The following TMOD3 variants were observed in gnomAD, a reference collection of about 807,000 sequenced individuals.
TMOD3 encodes the protein tropomodulin-3.
In TMOD3, 20 loss-of-function variants were observed where a neutral mutation model predicts 39.2. That is an observed-to-expected ratio of 0.51 (90% CI 0.36 to 0.74). The LOEUF (loss-of-function observed/expected upper bound fraction) is 0.74, where lower values mean the gene tolerates loss of function less well. Among genes scored for constraint, TMOD3 ranks in the 30% least tolerant of loss-of-function variants. The pLI, the probability that TMOD3 is intolerant of heterozygous loss-of-function variation, is 0.00. For synonymous variants in TMOD3, 143 were observed against 145.8 expected (o/e 0.98, Z 0.14); for missense variants, 381 against 412.8 (o/e 0.92, Z 0.67).
At position 51,905,039 on chromosome 15, in the gene TMOD3, G is replaced by A. The variant is rs188878733; in HGVS notation, c.1024+3003G>A. On this transcript the variant is annotated intron_variant, in intron 9 of 9. Transcript: ENST00000308580. ...ATGAAATGACAATAAGCACATTCCTGGATAGGGCAATTACAGATAAAAGCT... is the reference window on the plus strand; with the variant it reads ...ATGAAATGACAATAAGCACATTCCTAGATAGGGCAATTACAGATAAAAGCT... Among the ~76,000 whole-genome samples, 357 of 152,308 alleles carry A rather than the reference G, an allele frequency of 2.3e-3. 2 individuals are homozygous for A. Among genetic ancestry groups the A allele is most frequent in the African/African-American group, 7.9e-3 (327 of 41,578 alleles).
chr15:51,881,064 A>T (rs146279563), intron 3 of TMOD3, among the ~76,000 whole-genome samples: 1 of 152,294 alleles, frequency 6.6e-6, no homozygotes, highest in Non-Finnish European at 1.5e-5. Flanking sequence ...ATAACTAATG[A>T]TACTGAGTAT....
intron 3 of TMOD3, among the ~76,000 whole-genome samples, chr15:51,877,534 G>T (rs1382889080): frequency 6.6e-6 from 1 of 152,132 alleles, no homozygotes; most frequent in East Asian, 1.9e-4. Context: ...AAAAAAATTA[G>T]CTGGGTGTGG....
At chr15:51,890,011 A>G (rs2056584147) in intron 5 of TMOD3, among the ~76,000 whole-genome samples, 1 of 151,876 alleles carries the variant, frequency 6.6e-6, no homozygotes. Flanking sequence ...CCCAAACACC[A>G]CCTACCCTGT....
At chr15:51,870,605 G>A (rs2056470270) in intron 3 of TMOD3, among the ~76,000 whole-genome samples, 1 of 152,212 alleles carries the variant, frequency 6.6e-6, no homozygotes. Flanking sequence ...AGCTTCTATA[G>A]TAGAGGAAGG....
At chr15:51,881,335 A>G (rs2056532456) in intron 3 of TMOD3, among the ~76,000 whole-genome samples, 1 of 152,150 alleles carries the variant, frequency 6.6e-6, no homozygotes, top group African/African-American at 2.4e-5. Context: ...TATATTCTGG[A>G]TAAAAATTTC....
intron 3 of TMOD3, among the ~76,000 whole-genome samples, chr15:51,870,007 C>A (rs1011269825): frequency 6.6e-6 from 1 of 152,128 alleles, no homozygotes; most frequent in Non-Finnish European, 1.5e-5. Flanking sequence ...GGTGCACCCT[C>A]GCCTCACTGC....
chr15:51,848,191 G>A (rs1057332655), intron 1 of TMOD3, among the ~76,000 whole-genome samples: 1 of 152,186 alleles, frequency 6.6e-6, no homozygotes, highest in African/African-American at 2.4e-5. Flanking sequence ...TTTTGTTATA[G>A]CAGCCTAAAT....
At chr15:51,832,477 T>C (rs1458832736) in intron 1 of TMOD3, among the ~76,000 whole-genome samples, 4 of 151,934 alleles carry the variant, frequency 2.6e-5, no homozygotes, top group Non-Finnish European at 4.4e-5. Flanking sequence ...CATATCTACA[T>C]AGAGTATAGT....
intron 3 of TMOD3, among the ~76,000 whole-genome samples, chr15:51,886,108 T>A (rs1308697802): frequency 7.1e-6 from 1 of 139,916 alleles, no homozygotes; most frequent in East Asian, 2.1e-4. Context: ...CCAGACGGGG[T>A]GGCGGTCGGG....
At chr15:51,879,909 C>A in intron 3 of TMOD3, among the ~76,000 whole-genome samples, 1 of 127,562 alleles carries the variant, frequency 7.8e-6, no homozygotes. Context: ...ATTCTAGGAG[C>A]AACAAGAATA....
In TMOD3 at chr15:51,845,638, T is replaced by TC. The variant is rs148755776; in HGVS notation, c.-75+15805dup. ...GGGCATGGTTGGCACACACTTGTTGTCCCAGCTACTCAGTAAGCTGAGGTG... is the reference window on the plus strand; with the variant it reads ...GGGCATGGTTGGCACACACTTGTTGTCCCCAGCTACTCAGTAAGCTGAGGTG... On this transcript the variant is annotated intron_variant, in intron 1 of 9. Transcript: ENST00000308580. Among the ~76,000 whole-genome samples the TC allele has an allele frequency of 4.6e-4, 70 of 152,184 alleles. 1 individual carries two copies. The highest frequency in any genetic ancestry group is 1.6e-3 in the African/African-American group (67 of 41,524).
Position 51,909,625 on chromosome 15 carries a change from C to T in TMOD3, c.*815C>T, listed in dbSNP as rs186836634. Reference sequence around the variant, plus strand: ...CCCCCCAAAAAAGGCGTACAGCCAACTCTTAGTTATTTAGGGTAAGAGAAA... The same window carrying T: ...CCCCCCAAAAAAGGCGTACAGCCAATTCTTAGTTATTTAGGGTAAGAGAAA... On this transcript the variant is annotated 3_prime_UTR_variant, in exon 10 of 10. Coordinates refer to ENST00000308580, the MANE Select transcript of TMOD3 (RefSeq NM_014547.5). 11 of 152,468 alleles carry T rather than the reference C, an allele frequency of 7.2e-5. No individual in the cohort carries two copies. Among genetic ancestry groups the T allele is most frequent in the African/African-American group, 2.7e-4 (11 of 41,504 alleles). 9.4% of individuals were successfully genotyped at this position (152,468 alleles called of 1,614,324 possible).
intron 3 of TMOD3, among the ~76,000 whole-genome samples, chr15:51,885,323 G>T (rs2056555124): frequency 1.4e-5 from 2 of 140,138 alleles, no homozygotes; most frequent in Admixed American, 7.2e-5. Context: ...GATCATTCTT[G>T]GGTGTCTCTC....
chr15:51,894,232 GCCTCT>G (rs2056609875), intron 6 of TMOD3, among the ~76,000 whole-genome samples: 1 of 151,940 alleles, frequency 6.6e-6, no homozygotes, highest in Non-Finnish European at 1.5e-5. Flanking sequence ...AGAACATTTA[GCCTCT>G]TGGGTCTTGC....
intron 9 of TMOD3, 39 bp from the exon 10 acceptor site, chr15:51,908,737 T>C (rs1189112631): frequency 6.5e-7 from 1 of 1,550,038 alleles, no homozygotes; most frequent in South Asian, 1.2e-5. Context: ...TAAAAACTAA[T>C]AGGGATTTCT....
intron 1 of TMOD3, among the ~76,000 whole-genome samples, chr15:51,845,294 T>C (rs1422864356): frequency 1.3e-5 from 2 of 152,214 alleles, no homozygotes; most frequent in Non-Finnish European, 2.9e-5. Flanking sequence ...GCCGTGTTTG[T>C]CATGGACGTG....
At chr15:51,839,199 TCTCA>T (rs1360311821) in intron 1 of TMOD3, among the ~76,000 whole-genome samples, 1 of 148,988 alleles carries the variant, frequency 6.7e-6, no homozygotes, top group Non-Finnish European at 1.5e-5. Flanking sequence ...TGAGACTGGG[TCTCA>T]CTCTGTTGCC....
At chr15:51,838,739 C>T (rs1338249747) in intron 1 of TMOD3, among the ~76,000 whole-genome samples, 1 of 152,154 alleles carries the variant, frequency 6.6e-6, no homozygotes, top group African/African-American at 2.4e-5. Flanking sequence ...GTAGCCCCAG[C>T]CCTGCTTCAT....
At chr15:51,883,570 G>A (rs2056545082) in intron 3 of TMOD3, among the ~76,000 whole-genome samples, 1 of 152,218 alleles carries the variant, frequency 6.6e-6, no homozygotes, top group Admixed American at 6.5e-5. Context: ...CTCACATACT[G>A]ATCATTTTTT....
Sources: allele counts gnomAD v4.1 joint callset (sites outside exome capture counted in the v4.1 genomes callset), GRCh38; gene constraint gnomAD v4.1.1; transcripts MANE v1.5; gene names NCBI Gene and HGNC (gene_info 2026-07-23, HGNC 2026-07-21).